CYP20A1: variants seen among roughly 807,000 people sequenced by gnomAD.
CYP20A1 encodes the protein cytochrome P450 family 20 subfamily A member 1.
CYP20A1 carries 61 observed loss-of-function variants against 61.4 expected under a neutral mutation model. That is an observed-to-expected ratio of 0.99 (90% confidence interval 0.81 to 1.23). The LOEUF (loss-of-function observed/expected upper bound fraction) is 1.23. Among genes scored for constraint, CYP20A1 ranks in the 50% most tolerant of loss-of-function variants. The pLI is 0.00. For synonymous variants in CYP20A1, 193 were observed against 188.2 expected (o/e 1.03, Z -0.21); for missense variants, 530 against 542.4 (o/e 0.98, Z 0.23).
intron 4 of CYP20A1, among the ~76,000 whole-genome samples, chr2:203,254,605 A>G (rs2066825836): frequency 6.6e-6 from 1 of 152,064 alleles, no homozygotes; most frequent in African/African-American, 2.4e-5. Context: ...TAGAATTTTA[A>G]TGTAATCAGA....
intron 4 of CYP20A1, among the ~76,000 whole-genome samples, chr2:203,257,691 A>C (rs1179809446): frequency 6.6e-6 from 1 of 151,830 alleles, no homozygotes; most frequent in East Asian, 1.9e-4. Flanking sequence ...CAGGAGGCTG[A>C]GGCAGGAGAA....
chr2:203,262,376 G>C (rs962563488), intron 4 of CYP20A1, among the ~76,000 whole-genome samples: 1 of 152,112 alleles, frequency 6.6e-6, no homozygotes, highest in African/African-American at 2.4e-5. Context: ...TATTAACAGC[G>C]AGGCAGAAAG....
Position 203,266,551 on chromosome 2 carries a change from C to G in CYP20A1, c.470C>G (p.Pro157Arg), listed in dbSNP as rs2067330189. The change falls in exon 5 of 13, where the codon CCA becomes CGA. Residue 157 changes from proline to arginine, a missense_variant. By Grantham distance (103) the Pro-to-Arg change is moderately radical (BLOSUM62 -2). Transcript: ENST00000356079. ...EELLDKWLSY[P>R]ETQHVPLSQH... ...TTATTAGATAAATGGCTCTCCTACC[C>G]AGAGACCCAGCACGTGCCCCTCAGC... 2 of 1,614,024 alleles carry G rather than the reference C, an allele frequency of 1.2e-6. No individual in the cohort carries two copies. The highest frequency in any genetic ancestry group is 4.5e-5 in the East Asian group (2 of 44,886).
rs900292704 is a variant in CYP20A1 at position 203,301,335 on chromosome 2, T to TA, written c.*4428dup. Among the ~76,000 whole-genome samples the TA allele has an allele frequency of 8.6e-5, 13 of 151,806 alleles. No homozygotes were observed. Among genetic ancestry groups the TA allele is most frequent in the African/African-American group, 2.9e-4 (12 of 41,338 alleles). On this transcript the variant is annotated 3_prime_UTR_variant, in exon 13 of 13. Transcript: ENST00000356079. ...GCATTGGCATGATCACAGCTTACTGTAGCCTCCACCTCCTGGGCTCCAGCG... is the reference window on the plus strand; with the variant it reads ...GCATTGGCATGATCACAGCTTACTGTAAGCCTCCACCTCCTGGGCTCCAGCG...
At chr2:203,251,838 A>G in intron 3 of CYP20A1, 129 bp from the exon 4 acceptor site, 2 of 230,246 alleles carry the variant, frequency 8.7e-6, no homozygotes, top group East Asian at 6.2e-5. Context: ...AATAAAAACA[A>G]GGGAATTATG....
intron 1 of CYP20A1, among the ~76,000 whole-genome samples, chr2:203,245,473 C>T (rs1364575930): frequency 1.3e-5 from 2 of 151,100 alleles, no homozygotes; most frequent in Non-Finnish European, 2.9e-5. Context: ...AAGCCTAGTA[C>T]CCATTAGTTG....
At position 203,289,830 on chromosome 2, in the gene CYP20A1, T is replaced by G. The variant is rs768712999; in HGVS notation, c.1037T>G (p.Leu346Arg). ...AAACTGACTCCAGTTTCTGCCCAGC[T>G]TCAAGATATTGAAGGAAAAATTGAC... ...TAKLTPVSAQLQDIEGKIDRF... is the reference protein window; with the variant it reads ...TAKLTPVSAQRQDIEGKIDRF... Residue 346 changes from leucine to arginine, a missense_variant, in exon 10 of 13, where the codon CTT (leucine) becomes CGT (arginine). Physicochemically the swap from Leu to Arg is moderately radical, Grantham distance 102. Coordinates refer to ENST00000356079, the MANE Select transcript of CYP20A1 (RefSeq NM_177538.3). 2.4e-5 allele frequency: 39 copies of G among 1,599,110 alleles called. No homozygotes were observed. The highest frequency in any genetic ancestry group is 3.2e-5 in the Non-Finnish European group (37 of 1,171,604).
At position 203,301,269 on chromosome 2, in the gene CYP20A1, T is replaced by C. The variant is rs1296509179; in HGVS notation, c.*4361T>C. Among the ~76,000 whole-genome samples, 1 of 151,418 alleles carries C rather than the reference T, an allele frequency of 6.6e-6. No individual in the cohort carries two copies. The highest frequency in any genetic ancestry group is 1.5e-5 in the Non-Finnish European group (1 of 67,858). On this transcript the variant is annotated 3_prime_UTR_variant, in exon 13 of 13. Transcript: ENST00000356079. ...CTTTCTTTCTTTTCTTTTCTTTTTT[T>C]TTTTTGAGGCACAGTCTTGCTTTGT...
intron 2 of CYP20A1, among the ~76,000 whole-genome samples, chr2:203,246,106 TA>T (rs1299804479): frequency 6.6e-6 from 1 of 151,892 alleles, no homozygotes; most frequent in Non-Finnish European, 1.5e-5. Context: ...ACCCTGTTTC[TA>T]AAAAAAATAA....
intron 3 of CYP20A1, among the ~76,000 whole-genome samples, chr2:203,251,747 C>T (rs1031036742): frequency 3.5e-5 from 4 of 115,352 alleles, no homozygotes; most frequent in Admixed American, 9.7e-5. Flanking sequence ...CCAGCCTAGG[C>T]GAGAAGAGTG....
Position 203,297,118 on chromosome 2 carries a change from T to C in CYP20A1, c.*210T>C, listed in dbSNP as rs1429062548. 3 of 308,964 alleles carry C rather than the reference T, an allele frequency of 9.7e-6. No individual in the cohort carries two copies. The highest frequency in any genetic ancestry group is 1.8e-5 in the Non-Finnish European group (3 of 171,386). The allele number at this position is 308,964 out of a possible 1,614,324, so 19.1% of individuals were successfully genotyped here. Reference sequence around the variant, plus strand: ...CTGCACAGTATATTGATCATTTTAATGGGAAACTTTAGCTTTCTACTTTTT... The same window carrying C: ...CTGCACAGTATATTGATCATTTTAACGGGAAACTTTAGCTTTCTACTTTTT... On this transcript the variant is annotated 3_prime_UTR_variant, in exon 13 of 13. Coordinates refer to ENST00000356079, the MANE Select transcript of CYP20A1 (RefSeq NM_177538.3).
chr2:203,266,447 T>C, intron 4 of CYP20A1, 67 bp from the exon 5 acceptor site: 2 of 1,410,624 alleles, frequency 1.4e-6, no homozygotes, highest in South Asian at 2.4e-5. Context: ...ATGAATCTAC[T>C]TAGTAACATT....
chr2:203,281,808 A>C (rs1028953911), intron 8 of CYP20A1, among the ~76,000 whole-genome samples: 1 of 152,226 alleles, frequency 6.6e-6, no homozygotes, highest in East Asian at 1.9e-4. Flanking sequence ...CTCAAAAAAA[A>C]ACAAAAAACA....
chr2:203,250,301 T>C (rs1473098961), intron 3 of CYP20A1, among the ~76,000 whole-genome samples: 1 of 152,226 alleles, frequency 6.6e-6, no homozygotes, highest in African/African-American at 2.4e-5. Flanking sequence ...CTCAGCACTA[T>C]TCCAAGCCCT....
At chr2:203,267,210 A>G (rs2067361269) in intron 5 of CYP20A1, among the ~76,000 whole-genome samples, 2 of 152,004 alleles carry the variant, frequency 1.3e-5, no homozygotes, top group Middle Eastern at 3.2e-3. Context: ...CATACTGGGT[A>G]GTTTAATAAT....
chr2:203,244,821 C>T (rs1371771666), intron 1 of CYP20A1, among the ~76,000 whole-genome samples: 1 of 151,112 alleles, frequency 6.6e-6, no homozygotes, highest in Non-Finnish European at 1.5e-5. Context: ...CAAGCTCCGC[C>T]TCCCAGGTTC....
rs1284175524 is a variant in CYP20A1 at position 203,299,839 on chromosome 2, A to C, written c.*2931A>C. 1.3e-5 allele frequency among the ~76,000 whole-genome samples: 2 copies of C among 151,992 alleles called. No individual in the cohort carries two copies. Among genetic ancestry groups the C allele is most frequent in the African/African-American group, 4.8e-5 (2 of 41,396 alleles). The stretch of plus-strand genomic sequence containing the variant: ...CGGTGAGCCAAGATCGCGCCATTGC[A>C]CTCCAGCCTGGGCAACAAGAGTGAA... On this transcript the variant is annotated 3_prime_UTR_variant, in exon 13 of 13. Transcript: ENST00000356079.
At chr2:203,271,054 GTATATATATATATA>G (rs869253470) in intron 5 of CYP20A1, among the ~76,000 whole-genome samples, 2 of 40,278 alleles carry the variant, frequency 5.0e-5, no homozygotes, top group South Asian at 1.3e-3. Context: ...ATGTATATGT[GTATATATATATATA>G]TATATATATA....
At chr2:203,250,958 G>A (rs1559086432) in intron 3 of CYP20A1, among the ~76,000 whole-genome samples, 1 of 151,232 alleles carries the variant, frequency 6.6e-6, no homozygotes, top group South Asian at 2.1e-4. Flanking sequence ...CAGCTACTCG[G>A]GAGGCTGAGG....
Sources: gnomAD v4.1 joint callset for allele counts (sites outside exome capture counted in the v4.1 genomes callset) on GRCh38, gnomAD v4.1.1 for gene constraint, MANE v1.5 for transcripts, NCBI Gene and HGNC (gene_info 2026-07-23, HGNC 2026-07-21) for gene names.